Variants in DENND1A observed in about 807,000 individuals in gnomAD.
DENND1A encodes the protein DENN domain containing 1A, also known as DENN domain-containing protein 1A.
DENND1A carries 51 observed loss-of-function variants against 113.7 expected under a neutral mutation model. The ratio of observed to expected loss-of-function variants is 0.45; its 90% CI spans 0.36 to 0.57. The LOEUF (loss-of-function observed/expected upper bound fraction) is 0.57. DENND1A is among the 20% of genes least tolerant of loss of function. The pLI is 0.00. For missense variants in DENND1A, 1,258 were observed against 1,395.9 expected, an observed-to-expected ratio of 0.90 and a Z score of 1.57; for synonymous variants, 565 against 570.8, an observed-to-expected ratio of 0.99 and a Z score of 0.14.
At chr9:123,532,390 C>T (rs1028538953) in intron 13 of DENND1A, among the ~76,000 whole-genome samples, 13 of 152,198 alleles carry the variant, frequency 8.5e-5, no homozygotes, top group South Asian at 2.1e-4. Flanking sequence ...CACCACGTTC[C>T]GTTGTCCTGT....
chr9:123,764,082 C>A lies in DENND1A; in HGVS notation c.182+5432G>T, dbSNP rs939120023. Among the ~76,000 whole-genome samples, 3 of 152,110 alleles carry A rather than the reference C, an allele frequency of 2.0e-5. No individual in the cohort carries two copies. Among genetic ancestry groups the A allele is most frequent in the Non-Finnish European group, 4.4e-5 (3 of 68,020 alleles). ...AGGCCTGGACCTTACATCAGAATCC[C>A]AGACATGTTACTCAGCAGTTATGTG... On this transcript the variant is annotated intron_variant, in intron 4 of 23. Transcript: ENST00000394215. This position sits in a 1 kb window ranked among gnomAD's most constrained non-coding sequence, Gnocchi z 4.1.
intron 18 of DENND1A, 28 bp downstream of exon 18, chr9:123,450,665 A>T (rs373633577): frequency 1.3e-6 from 2 of 1,599,702 alleles, no homozygotes; most frequent in Non-Finnish European, 1.7e-6. Context: ...CATGGTGCTT[A>T]TACATTTTGA....
chr9:123,599,376 GA>G (rs1050770001), intron 11 of DENND1A, among the ~76,000 whole-genome samples: 4 of 152,106 alleles, frequency 2.6e-5, no homozygotes, highest in African/African-American at 4.8e-5. Flanking sequence ...TAGCAGGGGG[GA>G]AAAAAGGCAT....
chr9:123,670,002 T>A (rs2063688547), intron 7 of DENND1A, among the ~76,000 whole-genome samples: 1 of 152,226 alleles, frequency 6.6e-6, no homozygotes, highest in African/African-American at 2.4e-5. Context: ...AGGGCAGGTA[T>A]CTTTTCCTCT....
chr9:123,737,711 C>T (rs905109307), intron 5 of DENND1A, among the ~76,000 whole-genome samples: 8 of 152,198 alleles, frequency 5.3e-5, no homozygotes, highest in Non-Finnish European at 1.0e-4. Context: ...TAGCAGCCAT[C>T]AGCAGCACTT....
intron 5 of DENND1A, among the ~76,000 whole-genome samples, chr9:123,748,928 C>T (rs1014549099): frequency 6.6e-6 from 1 of 152,114 alleles, no homozygotes; most frequent in African/African-American, 2.4e-5. Context: ...TACCTTGCAT[C>T]GGATTTAAAC....
chr9:123,832,234 A>G (rs1425770839), intron 2 of DENND1A, among the ~76,000 whole-genome samples: 1 of 152,230 alleles, frequency 6.6e-6, no homozygotes. Context: ...AAAAATAACA[A>G]CAAAACAACA....
chr9:123,393,522 C>T (rs181542262), intron 21 of DENND1A, among the ~76,000 whole-genome samples: 2 of 150,510 alleles, frequency 1.3e-5, no homozygotes, highest in East Asian at 4.0e-4. Flanking sequence ...CACAGCTAGA[C>T]CGCATCTTAA....
intron 5 of DENND1A, among the ~76,000 whole-genome samples, chr9:123,728,477 C>T (rs1315032146): frequency 2.1e-5 from 1 of 47,872 alleles, no homozygotes; most frequent in African/African-American, 1.5e-4. Context: ...AACTCTGTCT[C>T]CCAAAAAAAA....
intron 20 of DENND1A, among the ~76,000 whole-genome samples, chr9:123,406,033 A>C (rs1433352362): frequency 6.6e-6 from 1 of 151,294 alleles, no homozygotes; most frequent in East Asian, 1.9e-4. Flanking sequence ...GCAGGCACAC[A>C]CTCCACTTCC....
chr9:123,866,995 C>T lies in DENND1A; in HGVS notation c.88+11956G>A, dbSNP rs149952482. Among the ~76,000 whole-genome samples, 319 of 152,214 alleles carry T rather than the reference C, an allele frequency of 2.1e-3. 3 individuals carry two copies. The highest frequency in any genetic ancestry group is 2.4e-3 in the Non-Finnish European group (165 of 68,020). ...TCTATCTTCTCCTCAAATAAGGCTTCGTGATAGCAGAAAATTCTAATGTCT... is the reference window on the plus strand; with the variant it reads ...TCTATCTTCTCCTCAAATAAGGCTTTGTGATAGCAGAAAATTCTAATGTCT... On this transcript the variant is annotated intron_variant, in intron 2 of 23. Transcript: ENST00000394215.
intron 23 of DENND1A, 31 bp from the exon 24 acceptor site, chr9:123,382,656 C>G: frequency 6.2e-7 from 1 of 1,610,084 alleles, no homozygotes; most frequent in Non-Finnish European, 8.5e-7. Flanking sequence ...CGGCAGTGAC[C>G]ACGGGCTGAG....
Position 123,466,050 on chromosome 9 carries a change from G to A in DENND1A, c.994-8153C>T, listed in dbSNP as rs570963076. Among the ~76,000 whole-genome samples the A allele has an allele frequency of 1.9e-3, 295 of 152,208 alleles. 6 individuals are homozygous for A. Among genetic ancestry groups the A allele is most frequent in the Non-Finnish European group, 7.5e-4 (51 of 68,018 alleles). ...GAGTCTCGCTCTGTCACCCAGGCTG[G>A]AGTGCAGTGGCGCGATCTCGGCTCA... On this transcript the variant is annotated intron_variant, in intron 13 of 23. Transcript: ENST00000394215.
chr9:123,471,215 C>T (rs1020186564), intron 13 of DENND1A, among the ~76,000 whole-genome samples: 2 of 152,178 alleles, frequency 1.3e-5, no homozygotes, highest in African/African-American at 4.8e-5. Context: ...AAAGACACTG[C>T]GTGGGAATGC....
intron 13 of DENND1A, among the ~76,000 whole-genome samples, chr9:123,552,793 C>G (rs1486765926): frequency 6.6e-6 from 1 of 152,266 alleles, no homozygotes; most frequent in Non-Finnish European, 1.5e-5. Flanking sequence ...TGCTCACCAG[C>G]TTTCTCTCAC....
At chr9:123,608,976 C>A (rs1263889394) in intron 11 of DENND1A, among the ~76,000 whole-genome samples, 1 of 152,004 alleles carries the variant, frequency 6.6e-6, no homozygotes, top group Admixed American at 6.6e-5. Context: ...GACTAAAGAC[C>A]AAGAGGGAGA....
At chr9:123,603,318 A>T (rs1268029272) in intron 11 of DENND1A, among the ~76,000 whole-genome samples, 1 of 152,218 alleles carries the variant, frequency 6.6e-6, no homozygotes, top group African/African-American at 2.4e-5. Flanking sequence ...CCTGTAAATA[A>T]ATGAATCCTA....
chr9:123,432,227 C>T (rs2046188021), intron 19 of DENND1A, among the ~76,000 whole-genome samples: 1 of 152,210 alleles, frequency 6.6e-6, no homozygotes, highest in African/African-American at 2.4e-5. Flanking sequence ...AGTTTTTCCT[C>T]CCGAAATCAA....
In DENND1A at chr9:123,924,166, C is replaced by T. The variant is rs12000625; in HGVS notation, c.17+5723G>A. Reference sequence around the variant, plus strand: ...ATTAAGTGAAAGAAGCCACGCAGGACGGGTTATATATGATTCTATTTATTA... The same window carrying T: ...ATTAAGTGAAAGAAGCCACGCAGGATGGGTTATATATGATTCTATTTATTA... On this transcript the variant is annotated intron_variant, in intron 1 of 23. Transcript: ENST00000394215. Among the ~76,000 whole-genome samples, 461 of 152,078 alleles carry T rather than the reference C, an allele frequency of 3.0e-3. 3 individuals carry two copies. The highest frequency in any genetic ancestry group is 0.017 in the Middle Eastern group (5 of 294).
Sources: allele counts gnomAD v4.1 joint callset (sites outside exome capture counted in the v4.1 genomes callset), GRCh38; gene constraint gnomAD v4.1.1; non-coding constraint Gnocchi (gnomAD v3.1); transcripts MANE v1.5; gene names NCBI Gene and HGNC (gene_info 2026-07-23, HGNC 2026-07-21).